Variants in KSR2 observed in about 807,000 individuals in gnomAD.
KSR2 encodes kinase suppressor of ras 2.
In KSR2, 25 loss-of-function variants were observed where a neutral mutation model predicts 107.8. The observed-to-expected ratio is 0.23, with a 90% CI of 0.17 to 0.32. KSR2 has a LOEUF of 0.32. Ranked by LOEUF, KSR2 falls within the 10% of genes least tolerant of loss-of-function variation. KSR2 has a pLI of 1.00. For missense variants in KSR2, 887 were observed against 1,268.9 expected, an observed-to-expected ratio of 0.70 and a Z score of 4.57; for synonymous variants, 480 against 507.0, an observed-to-expected ratio of 0.95 and a Z score of 0.71.
At chr12:117,635,018 G>A (rs922525739) in intron 5 of KSR2, among the ~76,000 whole-genome samples, 3 of 152,170 alleles carry the variant, frequency 2.0e-5, no homozygotes, top group African/African-American at 7.2e-5. Flanking sequence ...GTATTGTGGA[G>A]GCTGCTGTTC....
intron 1 of KSR2, among the ~76,000 whole-genome samples, chr12:117,957,384 T>G (rs931986910): frequency 9.9e-5 from 15 of 152,138 alleles, no homozygotes; most frequent in African/African-American, 3.6e-4. Context: ...GTTCTATTTT[T>G]TTACTTTCTT....
At chr12:117,483,863 C>T (rs1046372615) in intron 16 of KSR2, among the ~76,000 whole-genome samples, 1 of 152,170 alleles carries the variant, frequency 6.6e-6, no homozygotes, top group Non-Finnish European at 1.5e-5. Context: ...TCATTTTATC[C>T]TCACGAGAAC....
Position 117,699,935 on chromosome 12 carries a change from C to T in KSR2, c.987-32277G>A, listed in dbSNP as rs182619305. ...TCACCCTGGCTGGAGTGCAGTGGCG[C>T]GACCTTGGCTCACTGTAACCTATGC... On this transcript the variant is annotated intron_variant, in intron 4 of 19. Transcript: ENST00000339824. Among the ~76,000 whole-genome samples, 144 of 152,172 alleles carry T rather than the reference C, an allele frequency of 9.5e-4. 3 individuals carry two copies. In the East Asian group the frequency reaches 0.02, roughly 21 times the overall value.
intron 12 of KSR2, 95 bp from the exon 13 acceptor site, chr12:117,527,214 C>T (rs891578517): frequency 1.2e-6 from 1 of 858,944 alleles, no homozygotes; most frequent in African/African-American, 1.7e-5. Flanking sequence ...GATCGGAGGT[C>T]TTTACCACCA....
chr12:117,893,159 A>G (rs1756552257), intron 1 of KSR2, among the ~76,000 whole-genome samples: 2 of 151,932 alleles, frequency 1.3e-5, no homozygotes, highest in African/African-American at 4.8e-5. Flanking sequence ...CTGGGACTAC[A>G]GGTGCATACC....
chr12:117,490,154 ATCT>A (rs1390613174), intron 14 of KSR2, among the ~76,000 whole-genome samples: 1 of 152,182 alleles, frequency 6.6e-6, no homozygotes. Context: ...CCCATTCCCG[ATCT>A]TCTTCCTATC....
At chr12:117,624,111 G>C (rs1882340206) in intron 5 of KSR2, among the ~76,000 whole-genome samples, 1 of 152,132 alleles carries the variant, frequency 6.6e-6, no homozygotes. Context: ...GCTCTTTGTA[G>C]ATTCTGGATA....
chr12:117,840,193 G>T (rs1374826624), intron 3 of KSR2, among the ~76,000 whole-genome samples: 3 of 151,882 alleles, frequency 2.0e-5, no homozygotes, highest in Non-Finnish European at 1.5e-5. Context: ...CGCCTCCAGG[G>T]TTCAAGCCAT....
intron 4 of KSR2, among the ~76,000 whole-genome samples, chr12:117,677,595 C>T (rs1327532911): frequency 6.6e-6 from 1 of 152,154 alleles, no homozygotes; most frequent in Non-Finnish European, 1.5e-5. Context: ...ATACAGTACC[C>T]TTGTCTCAAG....
intron 10 of KSR2, among the ~76,000 whole-genome samples, chr12:117,532,123 C>T (rs908359975): frequency 6.6e-6 from 1 of 152,212 alleles, no homozygotes; most frequent in Non-Finnish European, 1.5e-5. Flanking sequence ...TCCTAATTTT[C>T]TGCAACGAGC....
chr12:117,791,539 A>T (rs1425920167), intron 3 of KSR2, among the ~76,000 whole-genome samples: 1 of 152,222 alleles, frequency 6.6e-6, no homozygotes, highest in African/African-American at 2.4e-5. Flanking sequence ...GCAAAAAAAT[A>T]AAAATAAAAA....
chr12:117,863,252 A>G (rs547493214), intron 1 of KSR2, among the ~76,000 whole-genome samples: 2 of 152,224 alleles, frequency 1.3e-5, no homozygotes, highest in East Asian at 3.9e-4. Context: ...GACCTCTTCC[A>G]AGCACTCAAG....
At chr12:117,623,712 T>C (rs1169383791) in intron 5 of KSR2, among the ~76,000 whole-genome samples, 2 of 152,220 alleles carry the variant, frequency 1.3e-5, no homozygotes, top group Admixed American at 6.5e-5. Flanking sequence ...GTCTTTATAG[T>C]AGCATGATTT....
At chr12:117,873,776 T>C (rs1893740222) in intron 1 of KSR2, among the ~76,000 whole-genome samples, 1 of 152,084 alleles carries the variant, frequency 6.6e-6, no homozygotes, top group South Asian at 2.1e-4. Context: ...GCTTTCAAAA[T>C]ACAGACAACA....
At chr12:117,848,333 C>T (rs983010693) in intron 3 of KSR2, among the ~76,000 whole-genome samples, 14 of 152,344 alleles carry the variant, frequency 9.2e-5, no homozygotes, top group South Asian at 2.1e-4. Context: ...TGTCCTCAGA[C>T]GCTGAAGTTC....
chr12:117,872,710 G>C (rs1328932950), intron 1 of KSR2, among the ~76,000 whole-genome samples: 5 of 152,154 alleles, frequency 3.3e-5, no homozygotes, highest in African/African-American at 1.2e-4. Context: ...TCCCTCTACT[G>C]TCTGAACAAT....
intron 5 of KSR2, among the ~76,000 whole-genome samples, chr12:117,591,012 C>T (rs1163033994): frequency 6.6e-6 from 1 of 152,172 alleles, no homozygotes; most frequent in Non-Finnish European, 1.5e-5. Context: ...CTTTGTGTCA[C>T]CCCACTGCCC....
intron 5 of KSR2, among the ~76,000 whole-genome samples, chr12:117,656,985 T>TATATATAATAGG (rs1202436710): frequency 0.026 from 475 of 18,044 alleles, 4 homozygotes; most frequent in East Asian, 0.04. Flanking sequence ...TAATAGGATA[T>TATATATAATAGG]ATATATATAT....
chr12:117,729,191 T>C (rs1447641363), intron 4 of KSR2, among the ~76,000 whole-genome samples: 2 of 150,580 alleles, frequency 1.3e-5, no homozygotes, highest in African/African-American at 2.4e-5. Context: ...CCCTCGGGAG[T>C]CTACAACCTA....
Sources: gnomAD v4.1 joint callset for allele counts (sites outside exome capture counted in the v4.1 genomes callset) on GRCh38, gnomAD v4.1.1 for gene constraint, MANE v1.5 for transcripts, NCBI Gene and HGNC (gene_info 2026-07-23, HGNC 2026-07-21) for gene names.